AAK1: variants seen among roughly 807,000 people sequenced by gnomAD.
The protein encoded by AAK1 is AP2 associated kinase 1.
Under a neutral mutation model 116.0 loss-of-function variants are expected in AAK1, and 37 were observed. The ratio of observed to expected loss-of-function variants is 0.32; its 90% CI spans 0.25 to 0.42. The LOEUF is 0.42. Among genes scored for constraint, AAK1 ranks in the 10% least tolerant of loss-of-function variants. AAK1 has a pLI of 1.00. For missense variants in AAK1, 919 were observed against 1,170.6 expected (o/e 0.79, Z 3.14); for synonymous variants, 458 against 439.9 (o/e 1.04, Z -0.51).
chr2:69,556,864 A>T lies in AAK1; in HGVS notation c.278T>A (p.Ile93Lys). Residue 93 changes from isoleucine to lysine, a missense_variant, in exon 3 of 22, where the codon ATA becomes AAA. This residue lies in a region of AAK1 where 317 missense variants were observed against 490.4 expected (regional missense o/e 0.65). Transcript: ENST00000409085. ...DLQVCKREIQ[I>K]MRDLSGHKNI... Reference sequence around the variant, plus strand: ...AAGTCCAAGGGGCAGCCTTACCATTATCTGGATTTCTCTCTTGCACACCTG... The same window carrying T: ...AAGTCCAAGGGGCAGCCTTACCATTTTCTGGATTTCTCTCTTGCACACCTG... The T allele has an allele frequency of 6.2e-7, 1 of 1,611,678 alleles. No individual in the cohort carries two copies. The highest frequency in any genetic ancestry group is 8.5e-7 in the Non-Finnish European group (1 of 1,177,784).
intron 17 of AAK1, among the ~76,000 whole-genome samples, chr2:69,483,156 A>G (rs1412278600): frequency 6.6e-6 from 1 of 152,194 alleles, no homozygotes; most frequent in Non-Finnish European, 1.5e-5. Flanking sequence ...CATTCATATC[A>G]TTACCACTGA....
intron 9 of AAK1, 71 bp from the exon 10 acceptor site, chr2:69,525,183 C>T: frequency 6.7e-7 from 1 of 1,485,970 alleles, no homozygotes; most frequent in Non-Finnish European, 9.4e-7. Context: ...GAATAAGCAG[C>T]CTGACTGGGA....
At chr2:69,507,811 A>AC (rs1346351751) in intron 14 of AAK1, among the ~76,000 whole-genome samples, 2 of 151,328 alleles carry the variant, frequency 1.3e-5, no homozygotes, top group Non-Finnish European at 2.9e-5. Context: ...GGTTCAAGCG[A>AC]TTCTCCTGCC....
chr2:69,467,328 T>C lies in AAK1; in HGVS notation c.*8541A>G. Reference sequence around the variant, plus strand: ...GAAGCATTAGCAAACTCCAATATACTAGTCTATTTCTATCTAGGTAGAGGT... The same window carrying C: ...GAAGCATTAGCAAACTCCAATATACCAGTCTATTTCTATCTAGGTAGAGGT... On this transcript the variant is annotated 3_prime_UTR_variant, in exon 22 of 22. Coordinates refer to ENST00000409085, the MANE Select transcript of AAK1 (RefSeq NM_014911.5). The C allele has an allele frequency of 1.0e-6, 1 of 985,454 alleles. No homozygotes were observed. Among genetic ancestry groups the C allele is most frequent in the Non-Finnish European group, 1.2e-6 (1 of 829,930 alleles). The allele number at this position is 985,454 out of a possible 1,614,324, so 61.0% of individuals were successfully genotyped here.
intron 2 of AAK1, among the ~76,000 whole-genome samples, chr2:69,590,620 C>T (rs1170373841): frequency 6.6e-6 from 1 of 152,246 alleles, no homozygotes; most frequent in Non-Finnish European, 1.5e-5. Context: ...ATTGCAGATA[C>T]AGGAGCAAAT....
At chr2:69,488,835 T>C (rs1213964853) in intron 17 of AAK1, among the ~76,000 whole-genome samples, 1 of 151,908 alleles carries the variant, frequency 6.6e-6, no homozygotes, top group African/African-American at 2.4e-5. Flanking sequence ...CTACACTAAG[T>C]TTGTGTAGTA....
At chr2:69,542,142 A>T (rs952059548) in intron 5 of AAK1, among the ~76,000 whole-genome samples, 15 of 152,150 alleles carry the variant, frequency 9.9e-5, no homozygotes, top group African/African-American at 3.4e-4. Flanking sequence ...TAGGACAATT[A>T]AAAAAAATCA....
At chr2:69,640,627 C>T (rs1239018664) in intron 2 of AAK1, among the ~76,000 whole-genome samples, 1 of 152,228 alleles carries the variant, frequency 6.6e-6, no homozygotes, top group Non-Finnish European at 1.5e-5. Flanking sequence ...ACTTTGTATA[C>T]TGGCTCCTAC....
At position 69,468,440 on chromosome 2, in the gene AAK1, AG is replaced by A. The variant is rs1391583854; in HGVS notation, c.*7428del. On this transcript the variant is annotated 3_prime_UTR_variant, in exon 22 of 22. Coordinates refer to ENST00000409085, the MANE Select transcript of AAK1 (RefSeq NM_014911.5). ...TCCTCACATAGTATCAGTTGGACAA[AG>A]TTTTCAGTTGCCAAAACAAAAGCAC... 2 of 985,318 alleles carry A rather than the reference AG, an allele frequency of 2.0e-6. No homozygotes were observed. The highest frequency in any genetic ancestry group is 2.4e-6 in the Non-Finnish European group (2 of 829,928). 61.0% of individuals were successfully genotyped at this position (985,318 alleles called of 1,614,324 possible).
intron 5 of AAK1, among the ~76,000 whole-genome samples, chr2:69,541,459 T>C (rs556348758): frequency 8.3e-4 from 127 of 152,298 alleles, no homozygotes; most frequent in Admixed American, 2.5e-3. Context: ...CTCATACTCC[T>C]GATCTCAAGT....
At chr2:69,516,656 C>CA (rs1395737247) in intron 12 of AAK1, 1 of 152,174 alleles carries the variant, frequency 6.6e-6, no homozygotes, top group African/African-American at 2.4e-5. Context: ...GAGTTACATT[C>CA]AAAGGATTTA....
chr2:69,591,017 G>C lies in AAK1; in HGVS notation c.164-34039C>G, dbSNP rs1033990162. Among the ~76,000 whole-genome samples the C allele has an allele frequency of 2.6e-5, 4 of 152,192 alleles. No homozygotes were observed. In the East Asian group the frequency reaches 7.7e-4, roughly 29 times the overall value. On this transcript the variant is annotated intron_variant, in intron 2 of 21. Coordinates refer to ENST00000409085, the MANE Select transcript of AAK1 (RefSeq NM_014911.5). ...GAAAGTTTTTTGCGAACAGATTTCA[G>C]ATGAATTCTGAAAGACTGGTAAGAT... is the stretch of plus-strand genomic sequence containing the variant.
intron 2 of AAK1, among the ~76,000 whole-genome samples, chr2:69,578,804 C>CTTT (rs71397337): frequency 1.1e-4 from 16 of 139,236 alleles, no homozygotes; most frequent in African/African-American, 3.2e-4. Context: ...CTCTTCACCT[C>CTTT]TTTTTTTTTT....
intron 2 of AAK1, among the ~76,000 whole-genome samples, chr2:69,611,729 A>G (rs974447791): frequency 1.6e-4 from 25 of 152,240 alleles, no homozygotes; most frequent in African/African-American, 6.0e-4. Flanking sequence ...CAACAGCCAG[A>G]AGGTAGAAGC....
At chr2:69,624,471 A>G (rs909675515) in intron 2 of AAK1, among the ~76,000 whole-genome samples, 1 of 152,184 alleles carries the variant, frequency 6.6e-6, no homozygotes, top group African/African-American at 2.4e-5. Flanking sequence ...ATATATTCTT[A>G]TTTTTGCAAA....
rs562724748 is a variant in AAK1, at chr2:69,518,428, T to G, written c.1497+526A>C. The stretch of plus-strand genomic sequence containing the variant: ...AAAAAATAGTTTTTTTTTTTTTTTT[T>G]TTTTTTTTGAGACAGAGTCTTGCTC... On this transcript the variant is annotated intron_variant, in intron 12 of 21. Transcript: ENST00000409085. Among the ~76,000 whole-genome samples the G allele has an allele frequency of 2.8e-4, 42 of 148,774 alleles. No homozygotes were observed. The South Asian group carries it at 4.2e-3, about 15-fold the overall frequency.
intron 2 of AAK1, among the ~76,000 whole-genome samples, chr2:69,614,847 A>C (rs1674251856): frequency 6.6e-6 from 1 of 152,168 alleles, no homozygotes; most frequent in Non-Finnish European, 1.5e-5. Context: ...TGAGACAGGG[A>C]CTGGAGTGAT....
At chr2:69,574,608 G>C (rs1012633651) in intron 2 of AAK1, among the ~76,000 whole-genome samples, 1 of 150,848 alleles carries the variant, frequency 6.6e-6, no homozygotes, top group East Asian at 2.0e-4. Context: ...GAGAGAGAGA[G>C]ATATTTGGCT....
chr2:69,480,901 C>T lies in AAK1; in HGVS notation c.2528G>A (p.Arg843His), dbSNP rs114213708. ...CACAGATTCCGTCTGAGATGGGAGG[C>T]GCTGGGGAACTGGGGGCTCCAGTCC... ...IPGLEPPVPQ[R>H]LPSQTESVTS... The change falls in exon 19 of 22, where the codon CGC becomes CAC. Residue 843 changes from arginine (R) to histidine (H), a missense_variant. Arg to His is a conservative substitution (Grantham distance 29). Transcript: ENST00000409085. 1.8e-4 allele frequency: 285 copies of T among 1,606,798 alleles called. No homozygotes were observed. The highest frequency in any genetic ancestry group is 1.6e-3 in the African/African-American group (119 of 74,906).
Sources: allele counts gnomAD v4.1 joint callset (sites outside exome capture counted in the v4.1 genomes callset), GRCh38; gene constraint gnomAD v4.1.1; regional missense constraint gnomAD v4.1.1; transcripts MANE v1.5; gene names NCBI Gene and HGNC (gene_info 2026-07-23, HGNC 2026-07-21).